Variants in SLC39A5 observed in about 807,000 individuals in gnomAD.
SLC39A5 encodes the protein zinc transporter ZIP5.
In SLC39A5, 42 loss-of-function variants were observed where a neutral mutation model predicts 46.9. The ratio of observed to expected loss-of-function variants is 0.90; its 90% CI spans 0.70 to 1.16. The LOEUF (loss-of-function observed/expected upper bound fraction) is 1.16. SLC39A5 is among the 50% of genes most tolerant of loss of function. The probability of loss-of-function intolerance (pLI) is 0.00; values close to 1 mark genes in which losing one functional copy is unlikely to be tolerated. For synonymous variants in SLC39A5, 311 were observed against 323.1 expected, an observed-to-expected ratio of 0.96 and a Z score of 0.40; for missense variants, 677 against 686.8, an observed-to-expected ratio of 0.99 and a Z score of 0.16.
chr12:56,233,007 A>G, intron 5 of SLC39A5, 135 bp downstream of exon 5: 1 of 890,172 alleles, frequency 1.1e-6, no homozygotes, highest in Non-Finnish European at 1.7e-6. Flanking sequence ...CACGCCTGTA[A>G]TCCCAACACT....
At chr12:56,231,686 T>C in intron 4 of SLC39A5, 125 bp downstream of exon 4, 2 of 988,894 alleles carry the variant, frequency 2.0e-6, no homozygotes, top group South Asian at 4.0e-5. Flanking sequence ...AGAACCGAGC[T>C]CCTTGGTATC....
In SLC39A5 at chr12:56,231,650, G is replaced by A. The variant is rs143359110; in HGVS notation, c.287+89G>A. On this transcript the variant is annotated intron_variant, in intron 4 of 12. Transcript: ENST00000454355. ...AGTTGCCTCGTTCTGGCTTCCTCAC[G>A]AGATCCCTGGAGTTACAAATTCTTC... 1.8e-4 allele frequency: 243 copies of A among 1,358,706 alleles called. No individual in the cohort carries two copies. The Middle Eastern group carries it at 4.2e-3, about 23-fold the overall frequency. 84.2% of individuals were successfully genotyped at this position (1,358,706 alleles called of 1,614,324 possible). A position where few individuals can be genotyped will look rare whatever the true frequency, so the allele number is the denominator to read the frequency against.
At chr12:56,232,325 C>T (rs1005591744) in intron 4 of SLC39A5, among the ~76,000 whole-genome samples, 3 of 151,816 alleles carry the variant, frequency 2.0e-5, no homozygotes, top group South Asian at 2.1e-4. Context: ...ACCACCACGC[C>T]GGGCTAATTT....
chr12:56,232,852 G>A lies in SLC39A5; in HGVS notation c.451G>A (p.Ala151Thr), dbSNP rs1565598559. 6 of 1,611,662 alleles carry A rather than the reference G, an allele frequency of 3.7e-6. No individual in the cohort carries two copies. The Admixed American group carries it at 5.0e-5, about 13-fold the overall frequency. Residue 151 changes from alanine to threonine, a missense_variant, in exon 5 of 13, where the codon GCT (alanine) becomes ACT (threonine). Physicochemically the swap from Ala to Thr is moderately conservative, Grantham distance 58. Coordinates refer to ENST00000454355, the MANE Select transcript of SLC39A5 (RefSeq NM_173596.3). ...GCTTCTGTTGCTGGACCACTCATTG[G>A]CTGACCACCTGAATGAGGATGTGAG... Reference protein sequence around the residue: ...HRLLLLDHSLADHLNEDCLNG... With the variant: ...HRLLLLDHSLTDHLNEDCLNG...
In SLC39A5 at chr12:56,232,503, T is replaced by TC. The variant is rs200359544; in HGVS notation, c.288-179dup. ...TTTGGTTGTCGTCCTTTTTTTTCTG[T>TC]CCCCCCCAGTGGCAGAAAATGGACA... On this transcript the variant is annotated intron_variant, in intron 4 of 12. Transcript: ENST00000454355. Among the ~76,000 whole-genome samples, 206 of 151,738 alleles carry TC rather than the reference T, an allele frequency of 1.4e-3. 2 individuals carry two copies. In the East Asian group the frequency reaches 0.017, roughly 12 times the overall value.
chr12:56,233,127 G>GT (rs1220969030), intron 5 of SLC39A5, among the ~76,000 whole-genome samples: 2 of 151,860 alleles, frequency 1.3e-5, no homozygotes, highest in Non-Finnish European at 2.9e-5. Flanking sequence ...GCCGGGTGTG[G>GT]TAACAGGTGT....
chr12:56,232,168 T>C (rs1481196630), intron 4 of SLC39A5, among the ~76,000 whole-genome samples: 2 of 139,592 alleles, frequency 1.4e-5, no homozygotes, highest in Admixed American at 7.1e-5. Context: ...TTTCTTTTTT[T>C]TTTTTTTTTT....
chr12:56,236,723 A>G lies in SLC39A5; in HGVS notation c.1184A>G (p.Asn395Ser). The change falls in exon 10 of 13, where the codon AAC (asparagine) becomes AGC (serine). Residue 395 changes from asparagine (N) to serine (S), a missense_variant. By Grantham distance (46) the Asn-to-Ser change is conservative (BLOSUM62 1). Transcript: ENST00000454355. ...GTCCTCCTGGGAGATGGTCTACACA[A>G]CCTCACTGATGGGCTGGCCATAGGT... ...WMVLLGDGLHNLTDGLAIGAA... is the reference protein window; with the variant it reads ...WMVLLGDGLHSLTDGLAIGAA... 1 of 1,606,340 alleles carries G rather than the reference A, an allele frequency of 6.2e-7. No homozygotes were observed. The highest frequency in any genetic ancestry group is 8.5e-7 in the Non-Finnish European group (1 of 1,175,152).
In SLC39A5 at chr12:56,236,380, T is replaced by C. The variant is rs1178085983; in HGVS notation, c.946-16T>C. The C allele has an allele frequency of 6.2e-7, 1 of 1,607,704 alleles. No homozygotes were observed. The highest frequency in any genetic ancestry group is 1.3e-5 in the African/African-American group (1 of 74,816). On this transcript the variant is annotated splice_polypyrimidine_tract_variant and intron_variant, in intron 8 of 12. Transcript: ENST00000454355. ...CTGCTGCCTCCTCCACCAGGAGGGA[T>C]GCCCTCCTATTTCAGAGATGCTGCA...
In SLC39A5 at chr12:56,237,787, G is replaced by T; in HGVS notation, c.*56G>T. The T allele has an allele frequency of 6.7e-7, 1 of 1,498,638 alleles. No individual in the cohort carries two copies. Among genetic ancestry groups the T allele is most frequent in the South Asian group, 1.4e-5 (1 of 73,560 alleles). 92.8% of individuals were successfully genotyped at this position (1,498,638 alleles called of 1,614,324 possible). A position where few individuals can be genotyped will look rare whatever the true frequency, so the allele number is the denominator to read the frequency against. ...TTCCTTCCCCCCAACCACAGGAATG[G>T]AGGCGGGACACAGGGCCAGTAGGAG... On this transcript the variant is annotated 3_prime_UTR_variant, in exon 13 of 13. Transcript: ENST00000454355.
chr12:56,237,182 T>C lies in SLC39A5; in HGVS notation c.1321T>C (p.Ser441Pro). 1 of 1,613,848 alleles carries C rather than the reference T, an allele frequency of 6.2e-7. No individual in the cohort carries two copies. Among genetic ancestry groups the C allele is most frequent in the Non-Finnish European group, 8.5e-7 (1 of 1,180,004 alleles). Reference protein sequence around the residue: ...DFAMLLQSGLSFRRLLLLSLV... With the variant: ...DFAMLLQSGLPFRRLLLLSLV... Reference sequence around the variant, plus strand: ...TGCCATGCTGCTCCAGTCAGGGCTGTCCTTTCGGCGGCTGCTGCTGCTGAG... The same window carrying C: ...TGCCATGCTGCTCCAGTCAGGGCTGCCCTTTCGGCGGCTGCTGCTGCTGAG... Residue 441 changes from serine (S) to proline (P), a missense_variant, in exon 12 of 13, where the codon TCC (serine) becomes CCC (proline). Transcript: ENST00000454355.
intron 4 of SLC39A5, among the ~76,000 whole-genome samples, chr12:56,232,456 G>A (rs1160663731): frequency 3.3e-5 from 5 of 151,824 alleles, no homozygotes; most frequent in South Asian, 2.1e-4. Context: ...GTGAGCCACC[G>A]TGCCCAGCCA....
In SLC39A5 at chr12:56,234,862, G is replaced by A. The variant is rs1440743129; in HGVS notation, c.510G>A (p.Leu170=). ...CCCAGCTGCTGGTCAATTTTGGCTT[G>A]AGCCCCGCTGCTCCTCTGACCCCTC... is the stretch of plus-strand genomic sequence containing the variant. The part of the protein sequence containing the change: ...NGSQLLVNFG[L]SPAAPLTPRQ... Residue 170 remains leucine, a synonymous_variant, in exon 6 of 13, where the codon TTG becomes TTA. Coordinates refer to ENST00000454355, the MANE Select transcript of SLC39A5 (RefSeq NM_173596.3). The A allele has an allele frequency of 6.2e-6, 10 of 1,613,514 alleles. No individual in the cohort carries two copies. The highest frequency in any genetic ancestry group is 2.2e-5 in the South Asian group (2 of 91,088).
At chr12:56,237,403 G>A (rs554289471) in intron 12 of SLC39A5, 63 bp downstream of exon 12, 3 of 1,534,108 alleles carry the variant, frequency 2.0e-6, no homozygotes, top group East Asian at 4.5e-5. Context: ...TGGAGAGGGA[G>A]GTAGCAGTCC....
rs371788360 is a variant in SLC39A5 at position 56,231,226 on chromosome 12, G to A, written c.-49G>A. 1.6e-5 allele frequency: 25 copies of A among 1,528,716 alleles called. No homozygotes were observed. The highest frequency in any genetic ancestry group is 1.4e-4 in the African/African-American group (10 of 72,258). 94.7% of individuals were successfully genotyped at this position (1,528,716 alleles called of 1,614,324 possible). A position where few individuals can be genotyped will look rare whatever the true frequency, so the allele number is the denominator to read the frequency against. On this transcript the variant is annotated 5_prime_UTR_variant, in exon 4 of 13. Transcript: ENST00000454355. The stretch of plus-strand genomic sequence containing the variant: ...CAGGGCACAGTCCTCAGGATGTTTC[G>A]GGGAGAATAGGAGCCAGAACCTGAG...
intron 8 of SLC39A5, 110 bp from the exon 9 acceptor site, chr12:56,236,286 A>T: frequency 1.1e-6 from 1 of 940,516 alleles, no homozygotes; most frequent in Non-Finnish European, 1.7e-6. Flanking sequence ...AGAACATCCC[A>T]GGTGCCAGAG....
chr12:56,231,681 C>G (rs746858780), intron 4 of SLC39A5, 120 bp downstream of exon 4: 1 of 1,088,916 alleles, frequency 9.2e-7, no homozygotes, highest in African/African-American at 1.6e-5. Context: ...TCTTCAGAAC[C>G]GAGCTCCTTG....
chr12:56,235,778 C>G (rs773817820), intron 8 of SLC39A5, 78 bp downstream of exon 8: 13 of 1,586,056 alleles, frequency 8.2e-6, no homozygotes, highest in Middle Eastern at 3.3e-4. Context: ...GGCGCGGTGG[C>G]TCACGCCTGT....
At position 56,237,356 on chromosome 12, in the gene SLC39A5, T is replaced by C. The variant is rs377171641; in HGVS notation, c.1479+16T>C. On this transcript the variant is annotated intron_variant, in intron 12 of 12. Transcript: ENST00000454355. ...TGTGGACATGGTGAGAGATGTCGGG[T>C]AGAGCAGAGAAATCAAGGGCAGTGG... is the stretch of plus-strand genomic sequence containing the variant. 6.4e-7 allele frequency: 1 copy of C among 1,570,110 alleles called. No homozygotes were observed. The highest frequency in any genetic ancestry group is 1.2e-5 in the South Asian group (1 of 83,702).
Sources: allele counts gnomAD v4.1 joint callset (sites outside exome capture counted in the v4.1 genomes callset), GRCh38; gene constraint gnomAD v4.1.1; transcripts MANE v1.5; gene names NCBI Gene and HGNC (gene_info 2026-07-23, HGNC 2026-07-21).